NDRG2: variants seen among roughly 807,000 people sequenced by gnomAD.
The protein encoded by NDRG2 is NDRG family member 2, also known as protein NDRG2.
NDRG2 carries 34 observed loss-of-function variants against 58.2 expected under a neutral mutation model. The ratio of observed to expected loss-of-function variants is 0.58; its 90% CI spans 0.44 to 0.78. The LOEUF is 0.78. NDRG2 is among the 30% of genes least tolerant of loss of function. The pLI is 0.00. For missense variants in NDRG2, 434 were observed against 471.2 expected, an observed-to-expected ratio of 0.92 and a Z score of 0.73; for synonymous variants, 187 against 175.9, an observed-to-expected ratio of 1.06 and a Z score of -0.50.
rs755549742 is a variant in NDRG2 at position 21,022,854 on chromosome 14, A to G, written c.117+10T>C. ...CTCCTCCCACCTTGGGACTGCCCCC[A>G]CACTGTTACCTGTCCCTGGTCCAGG... On this transcript the variant is annotated intron_variant, in intron 3 of 15. Coordinates refer to ENST00000556147, the MANE Select transcript of NDRG2 (RefSeq NM_001320329.2). 8.7e-6 allele frequency: 14 copies of G among 1,613,264 alleles called. No individual in the cohort carries two copies. The Admixed American group carries it at 2.2e-4, about 25-fold the overall frequency.
At chr14:21,043,471 G>A (rs1885006437) in intron 1 of NDRG2, 2 of 1,567,056 alleles carry the variant, frequency 1.3e-6, no homozygotes, top group Non-Finnish European at 1.7e-6. Context: ...TAGGTTTCCA[G>A]ACTGGCTTGC....
intron 1 of NDRG2, among the ~76,000 whole-genome samples, chr14:21,045,257 G>A (rs1885093332): frequency 6.6e-6 from 1 of 152,160 alleles, no homozygotes; most frequent in African/African-American, 2.4e-5. Flanking sequence ...GATGAGGAGA[G>A]AAAGTAAGGA....
rs1404587965 is a variant in NDRG2, at chr14:21,020,787, A to G, written c.465T>C (p.Tyr155=). The change falls in exon 7 of 16, where the codon TAT becomes TAC. Residue 155 remains tyrosine (Y), a synonymous_variant. Coordinates refer to ENST00000556147, the MANE Select transcript of NDRG2 (RefSeq NM_001320329.2). ...VGAGAYILAR[Y]ALNHPDTVEG... ...CTCTGGGCTTTTTATTTCTTACAGC[A>G]TATCTCGCCAGGATGTAGGCTCCAG... 5 of 1,614,062 alleles carry G rather than the reference A, an allele frequency of 3.1e-6. No homozygotes were observed. The highest frequency in any genetic ancestry group is 1.7e-5 in the Admixed American group (1 of 59,994).
rs554631372 is a variant in NDRG2 at position 21,057,230 on chromosome 14, T to G, written c.24+13598A>C. 4.0e-5 allele frequency among the ~76,000 whole-genome samples: 6 copies of G among 151,206 alleles called. No individual in the cohort carries two copies. In the South Asian group the frequency reaches 1.3e-3, roughly 32 times the overall value. ...TGGGTGGATCACCTGAGGTCAGGAG[T>G]TCAAGACCAGCCTGACCAACATGGA... On this transcript the variant is annotated intron_variant, in intron 1 of 14. Transcript: ENST00000403829.
chr14:21,018,677 G>A (rs1008133446), intron 12 of NDRG2, 86 bp downstream of exon 12: 1 of 1,600,610 alleles, frequency 6.2e-7, no homozygotes, highest in Admixed American at 1.7e-5. Flanking sequence ...TGCCAAACAG[G>A]ACATCCCCTT....
chr14:21,022,983 G>C, intron 2 of NDRG2, 78 bp from the exon 3 acceptor site: 1 of 1,535,760 alleles, frequency 6.5e-7, no homozygotes, highest in African/African-American at 1.4e-5. Context: ...CAGACAAAGA[G>C]AGGCAAGTAA....
Position 21,043,296 on chromosome 14 carries a change from G to A in NDRG2, c.25-19975C>T, listed in dbSNP as rs777482032. On this transcript the variant is annotated intron_variant, in intron 1 of 14. Coordinates refer to the NDRG2 transcript ENST00000403829. ...CGATAAAAACTGCCACCAGAGCCAC[G>A]GGGCCGTGTCCCTGACCATGTGTAA... The A allele has an allele frequency of 1.1e-5, 18 of 1,614,008 alleles. No individual in the cohort carries two copies. In the Middle Eastern group the frequency reaches 1.2e-3, roughly 103 times the overall value.
At chr14:21,031,183 T>C (rs201559716) in intron 1 of NDRG2, 1 of 1,611,544 alleles carries the variant, frequency 6.2e-7, no homozygotes, top group Admixed American at 1.7e-5. Context: ...ACAGCCTTCA[T>C]CCCCTTGACC....
rs1877992457 is a variant in NDRG2 at position 21,018,262 on chromosome 14, GAA to G, written c.862-25_862-24del. 1.9e-6 allele frequency: 3 copies of G among 1,613,546 alleles called. No homozygotes were observed. The East Asian group carries it at 6.7e-5, about 36-fold the overall frequency. On this transcript the variant is annotated intron_variant, in intron 13 of 15. Coordinates refer to ENST00000556147, the MANE Select transcript of NDRG2 (RefSeq NM_001320329.2). ...CATCTGTTCAGGAGAGCACCACCCA[GAA>G]AAAGTGAAACACACATAAATGAGCC... is the stretch of plus-strand genomic sequence containing the variant.
intron 1 of NDRG2, among the ~76,000 whole-genome samples, chr14:21,064,773 T>G (rs1208640730): frequency 2.0e-5 from 3 of 152,224 alleles, no homozygotes; most frequent in Non-Finnish European, 4.4e-5. Context: ...CATAAGCGAC[T>G]TTGGAACCTT....
chr14:21,040,516 C>G (rs1201895948), intron 1 of NDRG2, among the ~76,000 whole-genome samples: 5 of 152,190 alleles, frequency 3.3e-5, no homozygotes, highest in Non-Finnish European at 7.3e-5. Context: ...ATCCTTTAAG[C>G]TGACACGTTC....
Position 21,020,765 on chromosome 14 carries a change from T to C in NDRG2, c.468+19A>G. The C allele has an allele frequency of 1.2e-6, 2 of 1,614,076 alleles. No individual in the cohort carries two copies. Among genetic ancestry groups the C allele is most frequent in the Non-Finnish European group, 1.7e-6 (2 of 1,179,954 alleles). On this transcript the variant is annotated intron_variant, in intron 7 of 15. Transcript: ENST00000556147. ...AGTCTGGACCCTCCTTTCCCTCCTC[T>C]GGGCTTTTTATTTCTTACAGCATAT...
chr14:21,057,840 A>G, intron 1 of NDRG2: 2 of 1,485,140 alleles, frequency 1.3e-6, no homozygotes, highest in Non-Finnish European at 1.9e-6. Context: ...CCCCATGATG[A>G]CCTATTCATC....
Position 21,070,682 on chromosome 14 carries a change from G to A in NDRG2, c.24+146C>T, listed in dbSNP as rs1886703885. The A allele has an allele frequency of 1.1e-6, 1 of 926,346 alleles. No individual in the cohort carries two copies. Among genetic ancestry groups the A allele is most frequent in the Non-Finnish European group, 1.6e-6 (1 of 627,626 alleles). The allele number at this position is 926,346 out of a possible 1,614,324, so 57.4% of individuals were successfully genotyped here. ...TAATCCACACACCTCCCCGCTCCCC[G>A]CCCTCCTCTGTCCTGACCTGTGCCT... On this transcript the variant is annotated intron_variant, in intron 1 of 14. Transcript: ENST00000403829. This position sits in a 1 kb window ranked among gnomAD's most constrained non-coding sequence, Gnocchi z 4.7.
intron 8 of NDRG2, 126 bp from the exon 9 acceptor site, chr14:21,020,102 T>C: frequency 6.7e-6 from 5 of 750,128 alleles, no homozygotes; most frequent in Non-Finnish European, 1.2e-5. Flanking sequence ...AAGACCACCC[T>C]GGCCAAGATG....
At chr14:21,038,582 A>T (rs1386732338) in intron 1 of NDRG2, among the ~76,000 whole-genome samples, 1 of 152,200 alleles carries the variant, frequency 6.6e-6, no homozygotes, top group Admixed American at 6.5e-5. Flanking sequence ...TATGAAAGAC[A>T]TGCTTGAAAA....
In NDRG2 at chr14:21,017,628, GC is replaced by G. The variant is rs1877414484; in HGVS notation, c.1083del (p.Pro363ArgfsTer16). 6.2e-7 allele frequency: 1 copy of G among 1,613,630 alleles called. No individual in the cohort carries two copies. Among genetic ancestry groups the G allele is most frequent in the Non-Finnish European group, 8.5e-7 (1 of 1,179,866 alleles). ...QSSESGTLSSGPPGHTMEVSC is the reference protein window; with the variant it reads ...QSSESGTLSSXPPGHTMEVSC ...GAGACCTCCATGGTGTGCCCCGGGGGCCCCGAAGAAAGAGTTCCAGACTCGC... is the reference window on the plus strand; with the variant it reads ...GAGACCTCCATGGTGTGCCCCGGGGGCCCGAAGAAAGAGTTCCAGACTCGC... On this transcript the variant is annotated frameshift_variant, in exon 16 of 16. Transcript: ENST00000556147. LOFTEE classifies it high-confidence loss of function.
intron 1 of NDRG2, chr14:21,031,216 TTCCAGTCTA>T: frequency 6.3e-7 from 1 of 1,593,864 alleles, no homozygotes; most frequent in Non-Finnish European, 8.5e-7. Flanking sequence ...ATCCCCATTG[TTCCAGTCTA>T]CCCTCCCTAA....
chr14:21,067,980 C>CTTTTTTTT lies in NDRG2; in HGVS notation c.24+2840_24+2847dup, dbSNP rs1171332473. 4.9e-4 allele frequency among the ~76,000 whole-genome samples: 11 copies of CTTTTTTTT among 22,284 alleles called. 3 individuals are homozygous for CTTTTTTTT. Among genetic ancestry groups the CTTTTTTTT allele is most frequent in the Admixed American group, 2.0e-3 (2 of 996 alleles). 14.6% of individuals were successfully genotyped at this position (22,284 alleles called of 152,430 possible). On this transcript the variant is annotated intron_variant, in intron 1 of 14. Transcript: ENST00000403829. ...AGCTCAAAAACTTTCAGTGGCTCCCCTTTTTTTTTTTTTTTTTTTTTTTTT... is the reference window on the plus strand; with the variant it reads ...AGCTCAAAAACTTTCAGTGGCTCCCCTTTTTTTTTTTTTTTTTTTTTTTTTTTTTTTTT...
Sources: allele counts gnomAD v4.1 joint callset (sites outside exome capture counted in the v4.1 genomes callset), GRCh38; gene constraint gnomAD v4.1.1; non-coding constraint Gnocchi (gnomAD v3.1); transcripts MANE v1.5; gene names NCBI Gene and HGNC (gene_info 2026-07-23, HGNC 2026-07-21).